The following KIF14 variants were observed in gnomAD, a reference collection of about 807,000 sequenced individuals.
KIF14 encodes the protein kinesin-like protein KIF14.
A neutral mutation model predicts 176.2 loss-of-function variants in KIF14; 98 were observed. The ratio of observed to expected loss-of-function variants is 0.56; its 90% CI spans 0.47 to 0.66. The LOEUF is 0.66. KIF14 is among the 30% of genes least tolerant of loss of function. KIF14 has a pLI of 0.00. For synonymous variants in KIF14, 566 were observed against 632.2 expected, an observed-to-expected ratio of 0.90 and a Z score of 1.57; for missense variants, 1,751 against 1,920.4, an observed-to-expected ratio of 0.91 and a Z score of 1.65.
In KIF14 at chr1:200,552,625, T is replaced by G. The variant is rs1656593172; in HGVS notation, c.*763A>C. 6.6e-6 allele frequency: 1 copy of G among 152,072 alleles called. No individual in the cohort carries two copies. Among genetic ancestry groups the G allele is most frequent in the Non-Finnish European group, 1.5e-5 (1 of 68,018 alleles). 9.4% of individuals were successfully genotyped at this position (152,072 alleles called of 1,614,324 possible). ...CTATATTTAGGTAGCTACTTATAAT[T>G]TGGAAAGAAACAGGAAGCTACACCC... On this transcript the variant is annotated 3_prime_UTR_variant, in exon 30 of 30. Transcript: ENST00000367350.
intron 25 of KIF14, among the ~76,000 whole-genome samples, chr1:200,562,687 T>C (rs917448125): frequency 1.3e-5 from 2 of 152,202 alleles, no homozygotes; most frequent in Non-Finnish European, 2.9e-5. Flanking sequence ...CTTTGCTCTC[T>C]GGCCAATCCT....
At chr1:200,585,547 T>G (rs1316572012) in intron 19 of KIF14, among the ~76,000 whole-genome samples, 2 of 152,182 alleles carry the variant, frequency 1.3e-5, no homozygotes, top group Non-Finnish European at 2.9e-5. Context: ...TACTATTTGC[T>G]CAGTTGCAGT....
chr1:200,619,669 G>A (rs1558099585), intron 1 of KIF14, among the ~76,000 whole-genome samples: 1 of 152,208 alleles, frequency 6.6e-6, no homozygotes, highest in Non-Finnish European at 1.5e-5. Flanking sequence ...TTGAATACAG[G>A]AATGCCTATA....
At chr1:200,554,689 C>T in intron 28 of KIF14, 83 bp from the exon 29 acceptor site, 1 of 688,932 alleles carries the variant, frequency 1.5e-6, no homozygotes, top group Non-Finnish European at 2.3e-6. Context: ...TTTTAATTGC[C>T]AGAATCTTCT....
At chr1:200,612,741 T>C (rs1235942235) in intron 4 of KIF14, among the ~76,000 whole-genome samples, 1 of 152,118 alleles carries the variant, frequency 6.6e-6, no homozygotes, top group Non-Finnish European at 1.5e-5. Context: ...GACATCGATA[T>C]CTAATCTGGT....
intron 9 of KIF14, 54 bp from the exon 10 acceptor site, chr1:200,603,395 T>G (rs1056178419): frequency 1.2e-6 from 1 of 825,912 alleles, no homozygotes. Context: ...AGCAAGAAAT[T>G]TATTTCACAA....
At chr1:200,619,990 G>A (rs1391757193) in intron 1 of KIF14, among the ~76,000 whole-genome samples, 1 of 152,174 alleles carries the variant, frequency 6.6e-6, no homozygotes, top group Non-Finnish European at 1.5e-5. Context: ...TTGCATGCCG[G>A]GTTCTAACCT....
intron 20 of KIF14, among the ~76,000 whole-genome samples, chr1:200,580,833 G>A (rs868325881): frequency 8.6e-5 from 13 of 151,968 alleles, no homozygotes; most frequent in Admixed American, 2.0e-4. Flanking sequence ...AATGATAGCC[G>A]GGCGCAGTGG....
chr1:200,574,936 A>ACT, intron 22 of KIF14, among the ~76,000 whole-genome samples: 1 of 112,240 alleles, frequency 8.9e-6, no homozygotes, highest in Non-Finnish European at 1.9e-5. Flanking sequence ...GAGAAAGGGT[A>ACT]ATTTTTTTTT....
At position 200,603,312 on chromosome 1, in the gene KIF14, T is replaced by C. The variant is rs1251511242; in HGVS notation, c.1893A>G (p.Leu631=). 1 of 1,608,126 alleles carries C rather than the reference T, an allele frequency of 6.2e-7. No homozygotes were observed. The highest frequency in any genetic ancestry group is 8.5e-7 in the Non-Finnish European group (1 of 1,175,716). Residue 631 remains leucine, a synonymous_variant, in exon 10 of 30, where the codon CTA becomes CTG. Coordinates refer to ENST00000367350, the MANE Select transcript of KIF14 (RefSeq NM_014875.3). The stretch of plus-strand genomic sequence containing the variant: ...GTGCAGATATAACTTTTCCCAAAGT[T>C]AGCAAGGACTTATTAATACTCACAC... ...KEGVSINKSL[L]TLGKVISALS... is the part of the protein sequence containing the mutation.
intron 4 of KIF14, among the ~76,000 whole-genome samples, chr1:200,612,948 C>T (rs997614356): frequency 1.5e-5 from 2 of 134,952 alleles, no homozygotes; most frequent in East Asian, 2.2e-4. Context: ...AGTGCAGTGG[C>T]GCGATCTCGG....
intron 14 of KIF14, among the ~76,000 whole-genome samples, chr1:200,594,285 G>A (rs745635688): frequency 1.8e-4 from 26 of 143,858 alleles, no homozygotes; most frequent in African/African-American, 3.1e-4. Context: ...CTAGCAATCC[G>A]ATCCACCTGT....
rs532238102 is a variant in KIF14, at chr1:200,600,210, T to C, written c.2301-97A>G. The C allele has an allele frequency of 1.7e-5, 20 of 1,177,998 alleles. No homozygotes were observed. The African/African-American group carries it at 2.8e-4, about 16-fold the overall frequency. 73.0% of individuals were successfully genotyped at this position (1,177,998 alleles called of 1,614,324 possible). On this transcript the variant is annotated intron_variant, in intron 12 of 29. Transcript: ENST00000367350. ...CAATGAAAATTAGGCAACTACCTAG[T>C]AATATTTAAAATATGATAATCTGGG...
Position 200,559,332 on chromosome 1 carries a change from C to T in KIF14, c.4351G>A (p.Glu1451Lys). ...GAATATTCTTTTATTCATCTTACCT[C>T]ATTTTTTGTACACTGCCTAAAGAGT... is the stretch of plus-strand genomic sequence containing the variant. ...HELFRQCTKN[E>K]VTKEMKTNAM... Residue 1451 changes from glutamate (E) to lysine (K), a missense_variant and splice_region_variant, in exon 27 of 30, where the codon GAG becomes AAG. Physicochemically the swap from Glu to Lys is moderately conservative, Grantham distance 56. Coordinates refer to ENST00000367350, the MANE Select transcript of KIF14 (RefSeq NM_014875.3). 6.4e-7 allele frequency: 1 copy of T among 1,550,972 alleles called. No homozygotes were observed. The highest frequency in any genetic ancestry group is 2.0e-5 in the Admixed American group (1 of 50,016).
At chr1:200,614,431 G>A (rs1360905928) in intron 3 of KIF14, 26 bp from the exon 4 acceptor site, 4 of 1,370,742 alleles carry the variant, frequency 2.9e-6, no homozygotes, top group Non-Finnish European at 4.1e-6. Context: ...TGAATAAGGG[G>A]GAAATAAAAC....
In KIF14 at chr1:200,605,307, G is replaced by C. The variant is rs757598222; in HGVS notation, c.1722C>G (p.Phe574Leu). The C allele has an allele frequency of 1.2e-6, 2 of 1,613,208 alleles. No homozygotes were observed. The highest frequency in any genetic ancestry group is 4.5e-5 in the East Asian group (2 of 44,802). ...CCTTGGTCTGGGTCATCACCAGGGT[G>C]AAAACTGAATGAGATCGGGAACTTT... is the stretch of plus-strand genomic sequence containing the variant. ...NDKSSRSHSV[F>L]TLVMTQTKTE... is the part of the protein sequence containing the mutation. Residue 574 changes from phenylalanine (F) to leucine (L), a missense_variant, in exon 8 of 30, where the codon TTC becomes TTG. Physicochemically the swap from Phe to Leu is conservative, Grantham distance 22. Transcript: ENST00000367350.
rs1217383542 is a variant in KIF14 at position 200,565,571 on chromosome 1, C to CA, written c.3759dup (p.Gly1254TrpfsTer5). On this transcript the variant is annotated frameshift_variant, in exon 24 of 30. Coordinates refer to ENST00000367350, the MANE Select transcript of KIF14 (RefSeq NM_014875.3). LOFTEE classifies it high-confidence loss of function. ...GTTCTTTCTTCATCATAACTCTGTCCAAAAAAATCTAACGAAGAACCAATC... is the reference window on the plus strand; with the variant it reads ...GTTCTTTCTTCATCATAACTCTGTCCAAAAAAAATCTAACGAAGAACCAATC... The CA allele has an allele frequency of 1.9e-6, 3 of 1,611,014 alleles. No individual in the cohort carries two copies. Among genetic ancestry groups the CA allele is most frequent in the Non-Finnish European group, 2.5e-6 (3 of 1,179,318 alleles).
At chr1:200,558,685 A>C (rs191655941) in intron 27 of KIF14, among the ~76,000 whole-genome samples, 136 of 152,338 alleles carry the variant, frequency 8.9e-4, no homozygotes, top group African/African-American at 3.1e-3. Context: ...ATCAGTAAAT[A>C]GTTTACAGCC....
chr1:200,606,674 G>T, intron 6 of KIF14, 72 bp downstream of exon 6: 1 of 1,312,726 alleles, frequency 7.6e-7, no homozygotes, highest in Non-Finnish European at 1.1e-6. Context: ...ATACAATAAA[G>T]ATTATGGGAG....
Sources: allele counts gnomAD v4.1 joint callset (sites outside exome capture counted in the v4.1 genomes callset), GRCh38; gene constraint gnomAD v4.1.1; transcripts MANE v1.5; gene names NCBI Gene and HGNC (gene_info 2026-07-23, HGNC 2026-07-21).